TRNAU1AP: variants seen among roughly 807,000 people sequenced by gnomAD.
The protein encoded by TRNAU1AP is tRNA selenocysteine 1-associated protein 1.
TRNAU1AP carries 33 observed loss-of-function variants against 43.3 expected under a neutral mutation model. The observed-to-expected ratio is 0.76, with a 90% CI of 0.58 to 1.02. TRNAU1AP has a LOEUF of 1.02. Ranked by LOEUF, TRNAU1AP falls within the 50% of genes least tolerant of loss-of-function variation. The pLI is 0.00. For missense variants in TRNAU1AP, 290 were observed against 362.7 expected (o/e 0.80, Z 1.63); for synonymous variants, 143 against 129.1 (o/e 1.11, Z -0.73).
intron 3 of TRNAU1AP, 56 bp downstream of exon 3, chr1:28,560,788 C>T (rs1032876150): frequency 1.5e-6 from 2 of 1,376,274 alleles, no homozygotes; most frequent in African/African-American, 2.9e-5. Context: ...TGCTTACTAC[C>T]ATCTATTGAA....
intron 6 of TRNAU1AP, among the ~76,000 whole-genome samples, chr1:28,568,121 A>C (rs1665580321): frequency 6.6e-6 from 1 of 152,198 alleles, no homozygotes; most frequent in African/African-American, 2.4e-5. Flanking sequence ...CCGAGATGGC[A>C]TCAGTGCACT....
intron 4 of TRNAU1AP, among the ~76,000 whole-genome samples, chr1:28,562,255 C>T (rs1008310486): frequency 4.5e-4 from 68 of 152,106 alleles, no homozygotes; most frequent in African/African-American, 1.6e-3. Context: ...AAAGATTAGC[C>T]TCAGATGTAT....
At chr1:28,568,316 G>A (rs185143241) in intron 6 of TRNAU1AP, among the ~76,000 whole-genome samples, 229 of 152,158 alleles carry the variant, frequency 1.5e-3, no homozygotes, top group African/African-American at 5.1e-3. Context: ...CCTGAGTCAG[G>A]ATCTCAAAGT....
At chr1:28,553,503 G>A (rs1051997638) in intron 1 of TRNAU1AP, 137 bp from the exon 2 acceptor site, 1 of 785,520 alleles carries the variant, frequency 1.3e-6, no homozygotes, top group Non-Finnish European at 2.1e-6. Flanking sequence ...GTTTCAGGCC[G>A]CTCAGTGGAG....
intron 8 of TRNAU1AP, among the ~76,000 whole-genome samples, chr1:28,572,356 G>C (rs946453426): frequency 1.3e-5 from 2 of 151,914 alleles, no homozygotes; most frequent in Admixed American, 1.3e-4. Flanking sequence ...ACCATGCCCA[G>C]CTAATTATTT....
chr1:28,558,958 T>C (rs1480484294), intron 2 of TRNAU1AP, among the ~76,000 whole-genome samples: 2 of 152,216 alleles, frequency 1.3e-5, no homozygotes, highest in Admixed American at 1.3e-4. Flanking sequence ...AGGTCTACAT[T>C]TAAATTTTTA....
chr1:28,577,273 T>C (rs775527683), intron 8 of TRNAU1AP, among the ~76,000 whole-genome samples: 8 of 152,160 alleles, frequency 5.3e-5, no homozygotes, highest in Non-Finnish European at 1.2e-4. Context: ...GACACAGGTG[T>C]AGCTTTTAAT....
chr1:28,553,088 A>G lies in TRNAU1AP; in HGVS notation c.-23A>G, dbSNP rs1251080430. On this transcript the variant is annotated 5_prime_UTR_variant, in exon 1 of 9. Coordinates refer to ENST00000373830, the MANE Select transcript of TRNAU1AP (RefSeq NM_017846.5). ...CCCCGCCCGCAGAGCCCCGCCCGCA[A>G]AGCCCCACCCCGGTGCGCGGGTATG... 1.3e-6 allele frequency: 2 copies of G among 1,526,126 alleles called. No homozygotes were observed. The highest frequency in any genetic ancestry group is 2.6e-5 in the East Asian group (1 of 38,510). The allele number at this position is 1,526,126 out of a possible 1,614,324, so 94.5% of individuals were successfully genotyped here. A position where few individuals can be genotyped will look rare whatever the true frequency, so the allele number is the denominator to read the frequency against.
intron 4 of TRNAU1AP, among the ~76,000 whole-genome samples, chr1:28,564,336 TTCTG>T (rs931243127): frequency 5.9e-5 from 9 of 152,234 alleles, no homozygotes; most frequent in Admixed American, 4.6e-4. Context: ...GTTCTTTTTT[TTCTG>T]TCTTTTAACA....
In TRNAU1AP at chr1:28,553,096, C is replaced by G; in HGVS notation, c.-15C>G. ...GCAGAGCCCCGCCCGCAAAGCCCCA[C>G]CCCGGTGCGCGGGTATGGCGGCCAG... On this transcript the variant is annotated 5_prime_UTR_variant, in exon 1 of 9. Transcript: ENST00000373830. The G allele has an allele frequency of 6.6e-7, 1 of 1,524,798 alleles. No homozygotes were observed. Among genetic ancestry groups the G allele is most frequent in the Non-Finnish European group, 8.8e-7 (1 of 1,135,212 alleles). The allele number at this position is 1,524,798 out of a possible 1,614,324, so 94.5% of individuals were successfully genotyped here.
At chr1:28,573,530 T>C (rs1259364883) in intron 8 of TRNAU1AP, among the ~76,000 whole-genome samples, 1 of 151,824 alleles carries the variant, frequency 6.6e-6, no homozygotes, top group Non-Finnish European at 1.5e-5. Flanking sequence ...CCCAGCACTT[T>C]GGGAAGCCAC....
Position 28,578,531 on chromosome 1 carries a change from A to G in TRNAU1AP, c.*895A>G, listed in dbSNP as rs1665871712. 1 of 325,598 alleles carries G rather than the reference A, an allele frequency of 3.1e-6. No individual in the cohort carries two copies. The highest frequency in any genetic ancestry group is 2.6e-5 in the South Asian group (1 of 38,542). The allele number at this position is 325,598 out of a possible 1,614,324, so 20.2% of individuals were successfully genotyped here. ...TCGGTCTCTACAAAAAAATACAAAC[A>G]CAAATATACTTTTATTAGTCTTTTT... On this transcript the variant is annotated 3_prime_UTR_variant, in exon 9 of 9. Transcript: ENST00000373830.
chr1:28,555,563 T>C (rs1322538941), intron 2 of TRNAU1AP, among the ~76,000 whole-genome samples: 1 of 150,952 alleles, frequency 6.6e-6, no homozygotes, highest in Non-Finnish European at 1.5e-5. Context: ...AGTGGCGCGA[T>C]CTTGGCTCAC....
intron 1 of TRNAU1AP, chr1:28,553,348 T>C (rs1229987587): frequency 1.6e-6 from 1 of 644,098 alleles, no homozygotes. Flanking sequence ...CCTGGGTTCG[T>C]GGGAGGGAAA....
chr1:28,553,421 C>G (rs1665178736), intron 1 of TRNAU1AP: 1 of 621,414 alleles, frequency 1.6e-6, no homozygotes. Flanking sequence ...GTTCTGGGAC[C>G]GGAGGAGTGG....
intron 6 of TRNAU1AP, among the ~76,000 whole-genome samples, chr1:28,568,831 A>T (rs1225123253): frequency 5.7e-5 from 8 of 139,754 alleles, no homozygotes; most frequent in Admixed American, 7.3e-5. Flanking sequence ...TTTTTTTTTG[A>T]GATGGTGTCT....
At chr1:28,568,873 G>A (rs1267646894) in intron 6 of TRNAU1AP, among the ~76,000 whole-genome samples, 3 of 151,016 alleles carry the variant, frequency 2.0e-5, no homozygotes, top group Non-Finnish European at 2.9e-5. Context: ...ATGCAGTGGC[G>A]TGATCTTGAC....
intron 8 of TRNAU1AP, chr1:28,574,444 G>A (rs1665729744): frequency 6.6e-6 from 1 of 152,086 alleles, no homozygotes; most frequent in South Asian, 2.1e-4. Flanking sequence ...AAAACTGAAA[G>A]CCAAGCATGG....
chr1:28,562,360 C>A lies in TRNAU1AP; in HGVS notation c.278+962C>A, dbSNP rs143047964. Among the ~76,000 whole-genome samples, 36 of 151,932 alleles carry A rather than the reference C, an allele frequency of 2.4e-4. No homozygotes were observed. The East Asian group carries it at 6.2e-3, about 26-fold the overall frequency. On this transcript the variant is annotated intron_variant, in intron 4 of 8. Coordinates refer to ENST00000373830, the MANE Select transcript of TRNAU1AP (RefSeq NM_017846.5). ...TAAATTATGGTCATTAGTTAGGATGCGGTGTATCCACTGACAAGTCATTGC... is the reference window on the plus strand; with the variant it reads ...TAAATTATGGTCATTAGTTAGGATGAGGTGTATCCACTGACAAGTCATTGC...
Sources: gnomAD v4.1 joint callset for allele counts (sites outside exome capture counted in the v4.1 genomes callset) on GRCh38, gnomAD v4.1.1 for gene constraint, MANE v1.5 for transcripts, NCBI Gene and HGNC (gene_info 2026-07-23, HGNC 2026-07-21) for gene names.